The following C12orf42 variants were observed in gnomAD, a reference collection of about 807,000 sequenced individuals.
C12orf42 encodes chromosome 12 open reading frame 42.
In C12orf42, 25 loss-of-function variants were observed where a neutral mutation model predicts 21.6. The ratio of observed to expected loss-of-function variants is 1.16; its 90% confidence interval spans 0.84 to 1.62. C12orf42 has a LOEUF of 1.62. C12orf42 is among the 40% of genes most tolerant of loss of function. The probability of loss-of-function intolerance (pLI) is 0.00; values close to 1 mark genes in which losing one functional copy is unlikely to be tolerated. For missense variants in C12orf42, 483 were observed against 459.3 expected, an observed-to-expected ratio of 1.05 and a Z score of -0.47; for synonymous variants, 174 against 175.0, an observed-to-expected ratio of 0.99 and a Z score of 0.05.
the C12orf42 span, among the ~76,000 whole-genome samples, chr12:103,185,650 C>T: frequency 6.6e-6 from 1 of 152,062 alleles, no homozygotes; most frequent in Admixed American, 6.6e-5. Context: ...GTGGGAGGGA[C>T]CTGGTGGGAG....
At chr12:103,455,049 G>A (rs144508111) in intron 2 of C12orf42, among the ~76,000 whole-genome samples, 1 of 152,146 alleles carries the variant, frequency 6.6e-6, no homozygotes, top group Non-Finnish European at 1.5e-5. Context: ...CACAGCACTT[G>A]AATATAAGTT....
the C12orf42 span, among the ~76,000 whole-genome samples, chr12:103,197,405 T>C: frequency 6.6e-6 from 1 of 152,212 alleles, no homozygotes; most frequent in Non-Finnish European, 1.5e-5. Context: ...GTTTTAGCTT[T>C]TTAAGACCAG....
downstream of C12orf42, chr12:103,267,497 T>A (rs1593243118): frequency 6.6e-6 from 1 of 152,192 alleles, no homozygotes; most frequent in South Asian, 2.1e-4. Flanking sequence ...TATATATGTA[T>A]GTCAATTTGT....
chr12:103,104,842 G>A, the C12orf42 span, among the ~76,000 whole-genome samples: 1 of 152,178 alleles, frequency 6.6e-6, no homozygotes, highest in Non-Finnish European at 1.5e-5. Flanking sequence ...ACCCTGGTGG[G>A]GCTGCCCCAC....
At chr12:103,315,908 T>G (rs562918074) in intron 4 of C12orf42, among the ~76,000 whole-genome samples, 5 of 151,980 alleles carry the variant, frequency 3.3e-5, no homozygotes, top group African/African-American at 9.7e-5. Context: ...AATACATAAG[T>G]TAATTAACTT....
chr12:103,460,604 G>T (rs1372411698), intron 2 of C12orf42, among the ~76,000 whole-genome samples: 1 of 152,100 alleles, frequency 6.6e-6, no homozygotes, highest in East Asian at 1.9e-4. Flanking sequence ...TCTGAAGTTG[G>T]CTTCAGAACC....
the C12orf42 span, among the ~76,000 whole-genome samples, chr12:103,536,763 G>A: frequency 2.0e-5 from 3 of 152,060 alleles, no homozygotes; most frequent in Admixed American, 2.0e-4. Context: ...TCCACAAGAA[G>A]CCCAGAGTGC....
At chr12:103,407,064 G>T (rs1180035675) in intron 2 of C12orf42, among the ~76,000 whole-genome samples, 1 of 152,066 alleles carries the variant, frequency 6.6e-6, no homozygotes, top group Admixed American at 6.5e-5. Flanking sequence ...CTGAAGCCCA[G>T]AGAACTCAAT....
At chr12:103,099,089 C>G in the C12orf42 span, among the ~76,000 whole-genome samples, 12 of 152,140 alleles carry the variant, frequency 7.9e-5, no homozygotes. Context: ...TTCATCCTAC[C>G]ATAAATATTT....
intron 3 of C12orf42, among the ~76,000 whole-genome samples, chr12:103,374,491 T>C (rs1426907805): frequency 6.6e-6 from 1 of 152,152 alleles, no homozygotes; most frequent in East Asian, 1.9e-4. Flanking sequence ...GTAAGCTAGC[T>C]TGAGCTGGAT....
At chr12:103,220,404 A>G in the C12orf42 span, among the ~76,000 whole-genome samples, 1 of 152,250 alleles carries the variant, frequency 6.6e-6, no homozygotes, top group Admixed American at 6.5e-5. Context: ...ATAAAAAAAT[A>G]ATAGATAGAA....
the C12orf42 span, among the ~76,000 whole-genome samples, chr12:103,510,898 C>T: frequency 6.6e-6 from 1 of 152,204 alleles, no homozygotes; most frequent in East Asian, 1.9e-4. Context: ...ACATCAGGTC[C>T]AGCCCCATCA....
chr12:103,455,934 C>A (rs936620155), intron 2 of C12orf42, among the ~76,000 whole-genome samples: 2 of 152,060 alleles, frequency 1.3e-5, no homozygotes, highest in Non-Finnish European at 2.9e-5. Context: ...ATTACTCTAT[C>A]TCCTGCTTGA....
chr12:103,363,855 T>C (rs6539070), intron 4 of C12orf42, among the ~76,000 whole-genome samples: 73,839 of 151,838 alleles, frequency 0.49, 20,346 homozygotes, highest in African/African-American at 0.75. Context: ...ACAGTTACTA[T>C]TAGATCTAAG....
At chr12:103,405,183 C>T (rs534673263) in intron 2 of C12orf42, among the ~76,000 whole-genome samples, 2 of 152,204 alleles carry the variant, frequency 1.3e-5, no homozygotes, top group African/African-American at 4.8e-5. Flanking sequence ...GATACAAAGG[C>T]GAGATCCAGG....
downstream of C12orf42, among the ~76,000 whole-genome samples, chr12:103,264,143 C>T (rs895084432): frequency 6.9e-6 from 1 of 144,938 alleles, no homozygotes; most frequent in Non-Finnish European, 1.5e-5. Flanking sequence ...CAGCATCCAA[C>T]CTGAGAAAGT....
the C12orf42 span, among the ~76,000 whole-genome samples, chr12:103,541,373 A>G: frequency 3.9e-5 from 6 of 152,362 alleles, no homozygotes; most frequent in South Asian, 4.1e-4. Flanking sequence ...GGTCAATGGT[A>G]GGATGCATAT....
the C12orf42 span, among the ~76,000 whole-genome samples, chr12:103,215,127 C>T: frequency 2.0e-5 from 3 of 152,202 alleles, no homozygotes; most frequent in African/African-American, 7.2e-5. Flanking sequence ...AGGGGGAAAT[C>T]TCAGTGCAGG....
At chr12:103,294,413 GA>G (rs1593308094) in intron 4 of C12orf42, among the ~76,000 whole-genome samples, 6 of 125,054 alleles carry the variant, frequency 4.8e-5, no homozygotes, top group Admixed American at 1.7e-4. Context: ...AAGAAAGAAA[GA>G]GAGAAAGGAG....
Sources: gnomAD v4.1 joint callset for allele counts (sites outside exome capture counted in the v4.1 genomes callset) on GRCh38, gnomAD v4.1.1 for gene constraint, MANE v1.5 for transcripts, NCBI Gene and HGNC (gene_info 2026-07-23, HGNC 2026-07-21) for gene names.